The following WDR7 variants were observed in gnomAD, a reference collection of about 807,000 sequenced individuals.
WDR7 encodes the protein WD repeat-containing protein 7.
WDR7 carries 46 observed loss-of-function variants against 169.4 expected under a neutral mutation model. That is an observed-to-expected ratio of 0.27 (90% CI 0.21 to 0.35). The LOEUF (loss-of-function observed/expected upper bound fraction) is 0.35, where lower values mean the gene tolerates loss of function less well. WDR7 is among the 10% of genes least tolerant of loss of function. The probability of loss-of-function intolerance (pLI) is 1.00; values close to 1 mark genes in which losing one functional copy is unlikely to be tolerated. For synonymous variants in WDR7, 612 were observed against 666.8 expected (o/e 0.92, Z 1.27); for missense variants, 1,534 against 1,859.3 (o/e 0.83, Z 3.22).
At chr18:56,877,236 A>C (rs1044202533) in intron 20 of WDR7, among the ~76,000 whole-genome samples, 1 of 152,180 alleles carries the variant, frequency 6.6e-6, no homozygotes, top group African/African-American at 2.4e-5. Context: ...TGAAATAGAT[A>C]ATTCTTTTAA....
intron 27 of WDR7, among the ~76,000 whole-genome samples, chr18:57,021,402 G>T (rs2048289153): frequency 6.6e-6 from 1 of 152,214 alleles, no homozygotes; most frequent in Non-Finnish European, 1.5e-5. Flanking sequence ...CTCTAACAGG[G>T]TGTAGGGCAT....
chr18:56,863,062 T>C (rs944362134), intron 20 of WDR7, among the ~76,000 whole-genome samples: 1 of 151,880 alleles, frequency 6.6e-6, no homozygotes, highest in African/African-American at 2.4e-5. Context: ...TGAATTGCTT[T>C]TATTGATCAT....
chr18:56,693,185 C>T (rs568018635), intron 9 of WDR7, among the ~76,000 whole-genome samples: 1 of 152,266 alleles, frequency 6.6e-6, no homozygotes, highest in African/African-American at 2.4e-5. Flanking sequence ...TATTTGAATA[C>T]AGTAATTAGA....
Position 56,776,788 on chromosome 18 carries a change from C to T in WDR7, c.2855C>T (p.Ala952Val), listed in dbSNP as rs1460817947. Residue 952 changes from alanine to valine, a missense_variant, in exon 17 of 28, where the codon GCA (alanine) becomes GTA (valine). Ala to Val is a moderately conservative substitution (Grantham distance 64). Coordinates refer to ENST00000254442, the MANE Select transcript of WDR7 (RefSeq NM_015285.3). ...IVQGQIKQVA[A>V]PVVSARSDAD... ...TTCTCTTTTCCTCTGCAAGTTGCTG[C>T]ACCTGTCGTTTCCGCTCGGTCTGAT... is the stretch of plus-strand genomic sequence containing the variant. The T allele has an allele frequency of 6.2e-7, 1 of 1,613,812 alleles. No individual in the cohort carries two copies. Among genetic ancestry groups the T allele is most frequent in the Non-Finnish European group, 8.5e-7 (1 of 1,179,842 alleles).
intron 20 of WDR7, among the ~76,000 whole-genome samples, chr18:56,878,111 G>T (rs927585599): frequency 1.3e-5 from 2 of 152,214 alleles, no homozygotes; most frequent in Non-Finnish European, 2.9e-5. Flanking sequence ...TGTAGCAAGA[G>T]TGAGGTTAAG....
intron 22 of WDR7, among the ~76,000 whole-genome samples, chr18:56,926,571 A>C (rs1379301328): frequency 2.6e-5 from 4 of 152,218 alleles, no homozygotes; most frequent in African/African-American, 9.6e-5. Flanking sequence ...GCAAGCATAA[A>C]GATGTGCTTA....
At chr18:56,927,577 G>A (rs1235516845) in intron 22 of WDR7, among the ~76,000 whole-genome samples, 1 of 152,048 alleles carries the variant, frequency 6.6e-6, no homozygotes, top group African/African-American at 2.4e-5. Flanking sequence ...TCGAACCACT[G>A]CACTCCAGCA....
intron 21 of WDR7, among the ~76,000 whole-genome samples, chr18:56,885,775 C>T (rs894381751): frequency 4.7e-5 from 7 of 149,684 alleles, no homozygotes; most frequent in African/African-American, 1.5e-4. Context: ...CGCAGTGAGC[C>T]GAGATCACGC....
intron 24 of WDR7, among the ~76,000 whole-genome samples, 171 bp from the exon 25 acceptor site, chr18:56,939,140 A>G (rs568756655): frequency 1.3e-4 from 20 of 152,290 alleles, no homozygotes; most frequent in Non-Finnish European, 2.6e-4. Flanking sequence ...CAGATAAGAG[A>G]AAGGATAGAC....
At chr18:56,660,658 T>TA (rs55736389) in intron 1 of WDR7, among the ~76,000 whole-genome samples, 6 of 145,622 alleles carry the variant, frequency 4.1e-5, no homozygotes, top group African/African-American at 1.3e-4. Flanking sequence ...ATTTAAAGGT[T>TA]AAAAAAAAAA....
chr18:56,835,052 G>A (rs2045374948), intron 20 of WDR7, among the ~76,000 whole-genome samples: 1 of 152,110 alleles, frequency 6.6e-6, no homozygotes, highest in Non-Finnish European at 1.5e-5. Flanking sequence ...CAGCCCTGAC[G>A]TCACTCTCCA....
At chr18:57,010,878 G>A (rs1175620566) in intron 26 of WDR7, among the ~76,000 whole-genome samples, 3 of 152,082 alleles carry the variant, frequency 2.0e-5, no homozygotes, top group Admixed American at 6.5e-5. Flanking sequence ...CAGTTAAATC[G>A]AAGGGAAAAT....
In WDR7 at chr18:56,679,473, A is replaced by G. The variant is rs759816055; in HGVS notation, c.266+35A>G. ...TTCTCATTTGCCTCTTTTTCTCATG[A>G]GTCTTTATAACTAGCACCAATGCCT... is the stretch of plus-strand genomic sequence containing the variant. On this transcript the variant is annotated intron_variant, in intron 3 of 27. Transcript: ENST00000254442. 7.8e-6 allele frequency: 12 copies of G among 1,528,704 alleles called. No homozygotes were observed. The East Asian group carries it at 2.7e-4, about 35-fold the overall frequency. 94.7% of individuals were successfully genotyped at this position (1,528,704 alleles called of 1,614,324 possible).
At chr18:57,019,355 G>T (rs900723727) in intron 26 of WDR7, among the ~76,000 whole-genome samples, 1 of 151,868 alleles carries the variant, frequency 6.6e-6, no homozygotes, top group Non-Finnish European at 1.5e-5. Context: ...CATCATCATC[G>T]TTCCTACTTT....
chr18:56,909,671 A>G (rs922380565), intron 21 of WDR7, among the ~76,000 whole-genome samples: 4 of 152,146 alleles, frequency 2.6e-5, no homozygotes, highest in African/African-American at 9.7e-5. Context: ...TATCAATGGC[A>G]ATAGAATAAC....
At chr18:56,999,366 G>A (rs1340864350) in intron 26 of WDR7, among the ~76,000 whole-genome samples, 1 of 152,048 alleles carries the variant, frequency 6.6e-6, no homozygotes, top group East Asian at 1.9e-4. Flanking sequence ...AAATATTTTA[G>A]GAATAAGTAA....
intron 19 of WDR7, among the ~76,000 whole-genome samples, chr18:56,808,075 A>G (rs541829462): frequency 1.2e-4 from 19 of 152,300 alleles, no homozygotes; most frequent in South Asian, 6.2e-4. Flanking sequence ...CAATGTGTGC[A>G]GAGAGACTAG....
chr18:56,661,163 A>G (rs2024896829), intron 1 of WDR7, among the ~76,000 whole-genome samples: 1 of 152,184 alleles, frequency 6.6e-6, no homozygotes, highest in African/African-American at 2.4e-5. Flanking sequence ...TAGACTTTTG[A>G]TGGCAACCTA....
chr18:56,781,386 A>G (rs2044316033), intron 18 of WDR7, 147 bp from the exon 19 acceptor site: 1 of 805,104 alleles, frequency 1.2e-6, no homozygotes, highest in African/African-American at 1.8e-5. Context: ...TAAGTAGTTA[A>G]CTCATTCGGT....
Sources: allele counts gnomAD v4.1 joint callset (sites outside exome capture counted in the v4.1 genomes callset), GRCh38; gene constraint gnomAD v4.1.1; transcripts MANE v1.5; gene names NCBI Gene and HGNC (gene_info 2026-07-23, HGNC 2026-07-21).